The following TRAPPC8 variants were observed in gnomAD, a reference collection of about 807,000 sequenced individuals.
TRAPPC8 encodes the protein general sporulation gene 1 homolog.
A neutral mutation model predicts 174.3 loss-of-function variants in TRAPPC8; 54 were observed. The ratio of observed to expected loss-of-function variants is 0.31; its 90% CI spans 0.25 to 0.39. The LOEUF is 0.39. Ranked by LOEUF, TRAPPC8 falls within the 10% of genes least tolerant of loss-of-function variation. The pLI, the probability that TRAPPC8 is intolerant of heterozygous loss-of-function variation, is 1.00. For synonymous variants in TRAPPC8, 630 were observed against 579.9 expected (o/e 1.09, Z -1.24); for missense variants, 1,531 against 1,699.1 (o/e 0.90, Z 1.74).
At chr18:31,856,362 C>T (rs1261287975) in intron 20 of TRAPPC8, among the ~76,000 whole-genome samples, 1 of 152,076 alleles carries the variant, frequency 6.6e-6, no homozygotes, top group Non-Finnish European at 1.5e-5. Context: ...GGTTAATGTG[C>T]TGTACTTTGG....
At chr18:31,835,273 C>T (rs2032643462) in intron 27 of TRAPPC8, among the ~76,000 whole-genome samples, 1 of 152,132 alleles carries the variant, frequency 6.6e-6, no homozygotes. Context: ...ATCGGTCAAG[C>T]AGAGGCATAC....
At chr18:31,932,651 A>G (rs2037897526) in intron 1 of TRAPPC8, among the ~76,000 whole-genome samples, 1 of 152,124 alleles carries the variant, frequency 6.6e-6, no homozygotes, top group South Asian at 2.1e-4. Flanking sequence ...ATTTTTTCAC[A>G]TAATCAGACA....
In TRAPPC8 at chr18:31,943,030, A is replaced by G; in HGVS notation, c.-266T>C. 1 of 569,280 alleles carries G rather than the reference A, an allele frequency of 1.8e-6. No homozygotes were observed. The highest frequency in any genetic ancestry group is 2.6e-6 in the Non-Finnish European group (1 of 380,124). 35.3% of individuals were successfully genotyped at this position (569,280 alleles called of 1,614,324 possible). A position where few individuals can be genotyped will look rare whatever the true frequency, so the allele number is the denominator to read the frequency against. Reference sequence around the variant, plus strand: ...TCCACCCCGATAGGTGGAGACGCCGACAGTCACCACTTAGTCCTTCGGACG... The same window carrying G: ...TCCACCCCGATAGGTGGAGACGCCGGCAGTCACCACTTAGTCCTTCGGACG... On this transcript the variant is annotated 5_prime_UTR_variant, in exon 1 of 29. Coordinates refer to ENST00000283351, the MANE Select transcript of TRAPPC8 (RefSeq NM_014939.5).
chr18:31,913,662 C>A, intron 4 of TRAPPC8, 140 bp from the exon 5 acceptor site: 1 of 641,930 alleles, frequency 1.6e-6, no homozygotes, highest in Non-Finnish European at 2.4e-6. Flanking sequence ...TAAAAGAGGA[C>A]ATAAGAATTA....
intron 4 of TRAPPC8, among the ~76,000 whole-genome samples, chr18:31,914,813 G>T (rs1405843768): frequency 1.3e-5 from 2 of 152,070 alleles, no homozygotes; most frequent in African/African-American, 2.4e-5. Context: ...TATTTTTCAA[G>T]AATTTATTTT....
intron 27 of TRAPPC8, among the ~76,000 whole-genome samples, chr18:31,836,540 C>A (rs1321264711): frequency 6.6e-6 from 1 of 152,188 alleles, no homozygotes; most frequent in Admixed American, 6.5e-5. Flanking sequence ...ATAAACAGAG[C>A]TGAAGTAGAA....
Position 31,865,167 on chromosome 18 carries a change from A to G in TRAPPC8, c.2591-386T>C, listed in dbSNP as rs574509309. Among the ~76,000 whole-genome samples the G allele has an allele frequency of 2.0e-5, 3 of 152,238 alleles. No individual in the cohort carries two copies. In the East Asian group the frequency reaches 5.8e-4, roughly 29 times the overall value. On this transcript the variant is annotated intron_variant, in intron 18 of 28. Coordinates refer to ENST00000283351, the MANE Select transcript of TRAPPC8 (RefSeq NM_014939.5). ...TCACAAAGAAAAGAAGTGGAAAACA[A>G]TGAAAAGGTCAACTTTTTACTTTTA...
chr18:31,894,655 T>C (rs954565697), intron 11 of TRAPPC8, among the ~76,000 whole-genome samples: 1 of 151,986 alleles, frequency 6.6e-6, no homozygotes, highest in African/African-American at 2.4e-5. Context: ...AAAAACACAG[T>C]TGATAAAGCC....
chr18:31,847,980 A>G (rs1341718211), intron 25 of TRAPPC8, among the ~76,000 whole-genome samples: 1 of 152,052 alleles, frequency 6.6e-6, no homozygotes, highest in Non-Finnish European at 1.5e-5. Context: ...CCTGAATCAT[A>G]TTTCATTCAA....
chr18:31,928,547 A>T (rs536056057), intron 2 of TRAPPC8, among the ~76,000 whole-genome samples: 2 of 152,260 alleles, frequency 1.3e-5, no homozygotes, highest in South Asian at 4.1e-4. Flanking sequence ...AAAAAAATAA[A>T]AGAAATAAAT....
rs777711180 is a variant in TRAPPC8 at position 31,855,751 on chromosome 18, C to G, written c.3245G>C (p.Arg1082Pro). Residue 1082 changes from arginine (R) to proline (P), a missense_variant, in exon 21 of 29, where the codon CGG (arginine) becomes CCG (proline). Arg to Pro is a moderately radical substitution (Grantham distance 103). Transcript: ENST00000283351. ...AGAATTACTTCTGCAGACAGTGGCC[C>G]GTACATTTAAAGACCGACTGGTACA... Reference protein sequence around the residue: ...IICTSRSLNVRATVCRSNSLE... With the variant: ...IICTSRSLNVPATVCRSNSLE... 1 of 1,610,748 alleles carries G rather than the reference C, an allele frequency of 6.2e-7. No individual in the cohort carries two copies. The highest frequency in any genetic ancestry group is 8.5e-7 in the Non-Finnish European group (1 of 1,179,436).
rs1470736314 is a variant in TRAPPC8 at position 31,916,409 on chromosome 18, C to T, written c.480G>A (p.Val160=). 3 of 1,613,020 alleles carry T rather than the reference C, an allele frequency of 1.9e-6. No individual in the cohort carries two copies. In the Admixed American group the frequency reaches 5.0e-5, roughly 27 times the overall value. The change falls in exon 4 of 29, where the codon GTG becomes GTA. Residue 160 remains valine (V), a synonymous_variant. Coordinates refer to ENST00000283351, the MANE Select transcript of TRAPPC8 (RefSeq NM_014939.5). ...LVASSSEAEP[V]EQFSKLSQEQ... ...CTTGTGACAACTTTGAAAACTGTTCCACAGGTTCAGCTTCACTAGATGACG... is the reference window on the plus strand; with the variant it reads ...CTTGTGACAACTTTGAAAACTGTTCTACAGGTTCAGCTTCACTAGATGACG...
chr18:31,918,106 A>G (rs963378609), intron 2 of TRAPPC8, among the ~76,000 whole-genome samples: 3 of 152,198 alleles, frequency 2.0e-5, no homozygotes, highest in Non-Finnish European at 4.4e-5. Context: ...AGCCTGGGTG[A>G]CAGAATGAGA....
At chr18:31,891,354 C>T (rs614342) in intron 11 of TRAPPC8, 103,569 of 151,980 alleles carry the variant, frequency 0.68, 36,499 homozygotes, top group African/African-American at 0.85. Flanking sequence ...AATTTTACTG[C>T]ATTTAAAGGA....
intron 4 of TRAPPC8, 101 bp from the exon 5 acceptor site, chr18:31,913,623 C>A: frequency 2.2e-6 from 2 of 902,128 alleles, no homozygotes; most frequent in South Asian, 2.4e-5. Context: ...AATAATCCCC[C>A]AAAAAGGCAT....
intron 20 of TRAPPC8, among the ~76,000 whole-genome samples, 158 bp from the exon 21 acceptor site, chr18:31,855,965 T>A (rs2033985475): frequency 6.6e-6 from 1 of 152,230 alleles, no homozygotes; most frequent in Admixed American, 6.5e-5. Context: ...ATAGTTAGCC[T>A]AACTTCAGTT....
At chr18:31,898,040 G>A (rs1275385211) in intron 10 of TRAPPC8, 149 bp from the exon 11 acceptor site, 1 of 529,352 alleles carries the variant, frequency 1.9e-6, no homozygotes, top group Non-Finnish European at 3.1e-6. Flanking sequence ...AAAATCCAAG[G>A]TTTGTCAAGT....
chr18:31,873,543 G>A lies in TRAPPC8; in HGVS notation c.1954-5C>T, dbSNP rs749269363. 11 of 1,600,090 alleles carry A rather than the reference G, an allele frequency of 6.9e-6. No homozygotes were observed. The Admixed American group carries it at 1.6e-4, about 23-fold the overall frequency. On this transcript the variant is annotated splice_polypyrimidine_tract_variant and splice_region_variant and intron_variant, in intron 13 of 28. Transcript: ENST00000283351. ...TGGTGACAGCTGACTTACATTCTGA[G>A]AGAAATATAAAAGGGAAAAAAAGTA...
chr18:31,915,709 C>T (rs2037109902), intron 4 of TRAPPC8, among the ~76,000 whole-genome samples: 1 of 146,478 alleles, frequency 6.8e-6, no homozygotes, highest in Admixed American at 6.8e-5. Context: ...ATGGTGAAAC[C>T]CCGTCTCTAC....
Sources: allele counts gnomAD v4.1 joint callset (sites outside exome capture counted in the v4.1 genomes callset), GRCh38; gene constraint gnomAD v4.1.1; transcripts MANE v1.5; gene names NCBI Gene and HGNC (gene_info 2026-07-23, HGNC 2026-07-21).